The following ADCY8 variants were observed in gnomAD, a reference collection of about 807,000 sequenced individuals.
The protein encoded by ADCY8 is adenylate cyclase 8, also known as adenylate cyclase type 8.
ADCY8 carries 51 observed loss-of-function variants against 119.7 expected under a neutral mutation model. That is an observed-to-expected ratio of 0.43 (90% CI 0.34 to 0.54). The LOEUF (loss-of-function observed/expected upper bound fraction) is 0.54, where lower values mean the gene tolerates loss of function less well. ADCY8 is among the 20% of genes least tolerant of loss of function. The probability of loss-of-function intolerance (pLI) is 0.03; values close to 1 mark genes in which losing one functional copy is unlikely to be tolerated. For synonymous variants in ADCY8, 665 were observed against 651.0 expected, an observed-to-expected ratio of 1.02 and a Z score of -0.33; for missense variants, 1,383 against 1,598.8, an observed-to-expected ratio of 0.87 and a Z score of 2.30.
intron 2 of ADCY8, among the ~76,000 whole-genome samples, chr8:130,959,886 C>A (rs917356139): frequency 1.3e-5 from 2 of 152,138 alleles, no homozygotes; most frequent in Non-Finnish European, 2.9e-5. Flanking sequence ...CATGCTGGGC[C>A]TTGCTGGGTG....
chr8:131,032,549 A>C (rs1034422934), intron 1 of ADCY8, among the ~76,000 whole-genome samples: 4 of 152,092 alleles, frequency 2.6e-5, no homozygotes, highest in African/African-American at 4.8e-5. Flanking sequence ...GCATAGTGGC[A>C]TTTGCTGGTA....
intron 2 of ADCY8, among the ~76,000 whole-genome samples, chr8:130,954,283 A>G (rs1821359240): frequency 6.6e-6 from 1 of 152,246 alleles, no homozygotes; most frequent in Admixed American, 6.5e-5. Flanking sequence ...GATGCAGCAC[A>G]TATAATGATC....
At chr8:130,816,772 T>A (rs1816361051) in intron 13 of ADCY8, among the ~76,000 whole-genome samples, 3 of 152,188 alleles carry the variant, frequency 2.0e-5, no homozygotes, top group Admixed American at 6.5e-5. Flanking sequence ...ATTTTACATT[T>A]TATAAAATGG....
intron 11 of ADCY8, among the ~76,000 whole-genome samples, chr8:130,846,970 C>T (rs1403070909): frequency 6.8e-6 from 1 of 146,036 alleles, no homozygotes; most frequent in Non-Finnish European, 1.5e-5. Flanking sequence ...TCCTTAATTC[C>T]CTCCCTCCCT....
chr8:130,897,223 A>G (rs1023719622), intron 7 of ADCY8, among the ~76,000 whole-genome samples: 1 of 152,134 alleles, frequency 6.6e-6, no homozygotes, highest in Non-Finnish European at 1.5e-5. Flanking sequence ...TGGATCCACA[A>G]GGAGGTTTCA....
intron 7 of ADCY8, among the ~76,000 whole-genome samples, chr8:130,899,676 T>A (rs1165917320): frequency 6.6e-6 from 1 of 151,964 alleles, no homozygotes; most frequent in African/African-American, 2.4e-5. Context: ...CATTACTGGA[T>A]CCTCAGTATG....
chr8:130,853,340 T>C (rs1329225131), intron 9 of ADCY8, among the ~76,000 whole-genome samples: 1 of 152,222 alleles, frequency 6.6e-6, no homozygotes. Context: ...TGGCACCGTC[T>C]CAGGTCTGCC....
At chr8:131,009,639 G>A (rs1823237155) in intron 1 of ADCY8, among the ~76,000 whole-genome samples, 1 of 152,184 alleles carries the variant, frequency 6.6e-6, no homozygotes, top group Admixed American at 6.5e-5. Flanking sequence ...ATCAGCATGA[G>A]AATGGACTAA....
At chr8:131,024,208 A>G (rs1823758064) in intron 1 of ADCY8, among the ~76,000 whole-genome samples, 3 of 152,352 alleles carry the variant, frequency 2.0e-5, no homozygotes, top group East Asian at 3.9e-4. Flanking sequence ...TTTCACGCCA[A>G]TGACAGAACA....
intron 5 of ADCY8, among the ~76,000 whole-genome samples, chr8:130,917,275 A>T (rs1190483529): frequency 1.3e-5 from 2 of 152,322 alleles, no homozygotes; most frequent in South Asian, 2.1e-4. Context: ...CTCTAAAGAT[A>T]TAAGCAGTGA....
chr8:130,880,298 C>G (rs1330771427), intron 8 of ADCY8, among the ~76,000 whole-genome samples: 1 of 152,026 alleles, frequency 6.6e-6, no homozygotes, highest in Admixed American at 6.6e-5. Context: ...CAGTGGTTAC[C>G]CTGGGTTGAA....
intron 16 of ADCY8, 40 bp downstream of exon 16, chr8:130,785,343 C>G (rs17225958): frequency 7.0e-7 from 1 of 1,434,694 alleles, no homozygotes; most frequent in Non-Finnish European, 9.6e-7. Context: ...AACAGCAAGA[C>G]CCCACCATGC....
intron 1 of ADCY8, among the ~76,000 whole-genome samples, chr8:130,999,509 G>A (rs373183694): frequency 1.2e-4 from 18 of 152,240 alleles, no homozygotes; most frequent in Admixed American, 4.6e-4. Flanking sequence ...GAGTGGAGGT[G>A]GGAAAGGGGG....
At chr8:131,026,384 T>C (rs942282876) in intron 1 of ADCY8, among the ~76,000 whole-genome samples, 2 of 152,168 alleles carry the variant, frequency 1.3e-5, no homozygotes, top group Non-Finnish European at 2.9e-5. Context: ...ATAAATGTTT[T>C]TTTTTGTTTG....
chr8:130,974,478 C>A (rs1216914707), intron 2 of ADCY8, among the ~76,000 whole-genome samples: 1 of 152,140 alleles, frequency 6.6e-6, no homozygotes, highest in Non-Finnish European at 1.5e-5. Flanking sequence ...TTTAGTGGAT[C>A]ATACCCAGCA....
chr8:130,996,251 T>C (rs1822770933), intron 1 of ADCY8, among the ~76,000 whole-genome samples: 1 of 152,104 alleles, frequency 6.6e-6, no homozygotes, highest in African/African-American at 2.4e-5. Flanking sequence ...TAACTATATA[T>C]ATGCATGACT....
chr8:130,950,299 C>A (rs1821232257), intron 3 of ADCY8, among the ~76,000 whole-genome samples: 1 of 152,220 alleles, frequency 6.6e-6, no homozygotes, highest in South Asian at 2.1e-4. Flanking sequence ...TGACTGGGCT[C>A]AGCCAATCAG....
chr8:131,039,257 G>T, intron 1 of ADCY8, 117 bp downstream of exon 1: 1 of 1,417,530 alleles, frequency 7.1e-7, no homozygotes, highest in Non-Finnish European at 9.6e-7. Flanking sequence ...AAGGCACTGT[G>T]CCAGACTGAA....
chr8:131,032,684 G>A (rs1243740617), intron 1 of ADCY8, among the ~76,000 whole-genome samples: 1 of 152,110 alleles, frequency 6.6e-6, no homozygotes, highest in East Asian at 1.9e-4. Context: ...AAATCTTGCA[G>A]GGAGAAAATC....
Sources: allele counts gnomAD v4.1 joint callset (sites outside exome capture counted in the v4.1 genomes callset), GRCh38; gene constraint gnomAD v4.1.1; transcripts MANE v1.5; gene names NCBI Gene and HGNC (gene_info 2026-07-23, HGNC 2026-07-21).